The following TET3 variants were observed in gnomAD, a reference collection of about 807,000 sequenced individuals.
TET3 encodes tet methylcytosine dioxygenase 3, also known as methylcytosine dioxygenase TET3.
TET3 carries 19 observed loss-of-function variants against 141.4 expected under a neutral mutation model. The ratio of observed to expected loss-of-function variants is 0.13; its 90% CI spans 0.09 to 0.20. TET3 has a LOEUF of 0.20. TET3 is among the 10% of genes least tolerant of loss of function. TET3 has a pLI of 1.00. For missense variants in TET3, 1,874 were observed against 2,356.9 expected (o/e 0.80, Z 4.24); for synonymous variants, 1,043 against 980.9 (o/e 1.06, Z -1.18).
intron 3 of TET3, among the ~76,000 whole-genome samples, chr2:74,009,018 G>T (rs1685291785): frequency 1.3e-5 from 2 of 152,190 alleles, no homozygotes; most frequent in African/African-American, 2.4e-5. Flanking sequence ...CTGACACTGA[G>T]CTCCTGAGCT....
In TET3 at chr2:74,088,047, C is replaced by T. The variant is rs1690257401; in HGVS notation, c.2888+9C>T. 1.9e-6 allele frequency: 3 copies of T among 1,553,732 alleles called. No homozygotes were observed. The highest frequency in any genetic ancestry group is 1.9e-5 in the Admixed American group (1 of 51,294). ...TGCGGCCTCAACGATGAGTATGTAGCAGAGGGCTTCAGGGCCAGGGCCCAC... is the reference window on the plus strand; with the variant it reads ...TGCGGCCTCAACGATGAGTATGTAGTAGAGGGCTTCAGGGCCAGGGCCCAC... On this transcript the variant is annotated intron_variant, in intron 7 of 11. Coordinates refer to ENST00000409262, the MANE Select transcript of TET3 (RefSeq NM_001287491.2).
At chr2:74,069,355 GTAT>G (rs1281855063) in intron 4 of TET3, among the ~76,000 whole-genome samples, 2 of 148,594 alleles carry the variant, frequency 1.3e-5, no homozygotes, top group Admixed American at 6.8e-5. Flanking sequence ...CAACAGTCAG[GTAT>G]TATTCTATCT....
chr2:74,123,517 G>T, the TET3 span, among the ~76,000 whole-genome samples: 1 of 152,222 alleles, frequency 6.6e-6, no homozygotes, highest in African/African-American at 2.4e-5. Flanking sequence ...GCCAGCCAGG[G>T]CAGGGGCGTG....
chr2:74,062,346 T>G (rs143255963), intron 4 of TET3, among the ~76,000 whole-genome samples: 1 of 152,370 alleles, frequency 6.6e-6, no homozygotes, highest in Non-Finnish European at 1.5e-5. Context: ...GAAGTTGTAG[T>G]ATGGAGAGGC....
intron 4 of TET3, among the ~76,000 whole-genome samples, chr2:74,061,937 C>T (rs1688615635): frequency 6.8e-6 from 1 of 147,766 alleles, no homozygotes; most frequent in South Asian, 2.2e-4. Flanking sequence ...ACTTTCCAGA[C>T]TGGGCAGCCA....
chr2:74,044,932 A>G (rs1398286555), intron 3 of TET3, among the ~76,000 whole-genome samples: 2 of 152,234 alleles, frequency 1.3e-5, no homozygotes, highest in South Asian at 2.1e-4. Flanking sequence ...TGTCCCAAGT[A>G]AAAATAGTGT....
At chr2:74,071,916 G>T (rs1293853030) in intron 4 of TET3, among the ~76,000 whole-genome samples, 2 of 152,130 alleles carry the variant, frequency 1.3e-5, no homozygotes, top group African/African-American at 4.8e-5. Context: ...TGAATGGTTG[G>T]TTCCTTTTTA....
chr2:74,101,645 G>A lies in TET3; in HGVS notation c.4857G>A (p.Lys1619=). ...GGCCGGCTGAGGAGCCCCCCAGCAA[G>A]GGAGCGGTGAAGGAGGAGAAGGGCG... ...EEGPAEEPPS[K]GAVKEEKGGG... Residue 1619 remains lysine (K), a synonymous_variant, in exon 12 of 12, where the codon AAG becomes AAA. Coordinates refer to ENST00000409262, the MANE Select transcript of TET3 (RefSeq NM_001287491.2). This position sits in a 1 kb window ranked among gnomAD's most constrained non-coding sequence, Gnocchi z 8.5. 1 of 1,613,710 alleles carries A rather than the reference G, an allele frequency of 6.2e-7. No homozygotes were observed. Among genetic ancestry groups the A allele is most frequent in the Non-Finnish European group, 8.5e-7 (1 of 1,179,832 alleles).
At chr2:74,076,632 C>G (rs1168648698) in intron 5 of TET3, among the ~76,000 whole-genome samples, 1 of 147,166 alleles carries the variant, frequency 6.8e-6, no homozygotes, top group African/African-American at 2.5e-5. Context: ...GCCCTTTACT[C>G]TGATTTCATC....
At chr2:74,060,252 T>G (rs1302586362) in intron 4 of TET3, among the ~76,000 whole-genome samples, 1 of 152,202 alleles carries the variant, frequency 6.6e-6, no homozygotes, top group Non-Finnish European at 1.5e-5. Flanking sequence ...GGGTGAGCAG[T>G]TTTTCATATG....
rs546375560 is a variant in TET3 at position 74,047,812 on chromosome 2, T to C, written c.1895T>C (p.Leu632Pro). The C allele has an allele frequency of 6.2e-7, 1 of 1,613,434 alleles. No homozygotes were observed. The highest frequency in any genetic ancestry group is 1.1e-5 in the South Asian group (1 of 90,988). ...PPVRQIVLEG[L>P]RSPASQEVQA... Reference sequence around the variant, plus strand: ...GTCCGACAGATTGTCCTGGAAGGGCTTAGGTCCCCAGCCTCCCAGGAAGTG... The same window carrying C: ...GTCCGACAGATTGTCCTGGAAGGGCCTAGGTCCCCAGCCTCCCAGGAAGTG... The change falls in exon 4 of 12, where the codon CTT becomes CCT. Residue 632 changes from leucine (L) to proline (P), a missense_variant. This residue lies in a region of TET3 where 484 missense variants were observed against 462.2 expected (regional missense o/e 1.05). Coordinates refer to ENST00000409262, the MANE Select transcript of TET3 (RefSeq NM_001287491.2).
intron 5 of TET3, among the ~76,000 whole-genome samples, chr2:74,078,426 CT>C (rs749079386): frequency 5.5e-4 from 84 of 152,288 alleles, no homozygotes; most frequent in Middle Eastern, 3.4e-3. Flanking sequence ...CTGTAGCTTG[CT>C]TTTTCCCCCC....
the TET3 span, among the ~76,000 whole-genome samples, chr2:74,129,319 A>C: frequency 3.2e-5 from 1 of 30,954 alleles, no homozygotes; most frequent in Non-Finnish European, 4.7e-5. Context: ...TCCGTCTCAA[A>C]AAAAAAAAAA....
rs200020570 is a variant in TET3 at position 74,094,439 on chromosome 2, C to T, written c.3267+773C>T. On this transcript the variant is annotated intron_variant, in intron 10 of 11. Transcript: ENST00000409262. ...AGCCTTGAGGGCCAGGGGAGGGTTG[C>T]GGGGTTTGCTCTAAGTGTGATGGGA... Among the ~76,000 whole-genome samples the T allele has an allele frequency of 2.6e-5, 4 of 152,170 alleles. No individual in the cohort carries two copies. The East Asian group carries it at 5.8e-4, about 22-fold the overall frequency.
chr2:74,110,293 A>G (rs1691670380), downstream of TET3, among the ~76,000 whole-genome samples: 1 of 151,876 alleles, frequency 6.6e-6, no homozygotes, highest in South Asian at 2.1e-4. Context: ...CTCCCTGCCT[A>G]TTTTGAATCT....
chr2:74,061,606 C>G lies in TET3; in HGVS notation c.2495-11943C>G, dbSNP rs577922771. Among the ~76,000 whole-genome samples, 13 of 148,022 alleles carry G rather than the reference C, an allele frequency of 8.8e-5. No individual in the cohort carries two copies. In the East Asian group the frequency reaches 1.8e-3, roughly 21 times the overall value. On this transcript the variant is annotated intron_variant, in intron 4 of 11. Transcript: ENST00000409262. ...GGCCGGGCGGGGGGCTGACCCCCCC[C>G]ACCTCCCTCCCAGACGGGGTGGCTG...
At position 74,074,496 on chromosome 2, in the gene TET3, G is replaced by A. The variant is rs546645737; in HGVS notation, c.2585+857G>A. Among the ~76,000 whole-genome samples the A allele has an allele frequency of 4.3e-4, 65 of 152,276 alleles. No homozygotes were observed. The South Asian group carries it at 9.9e-3, about 23-fold the overall frequency. Reference sequence around the variant, plus strand: ...TGGTTTTTGAGCAGTTCATGCAGATGGAGACTTGGAAACCCATGTGCGTGT... The same window carrying A: ...TGGTTTTTGAGCAGTTCATGCAGATAGAGACTTGGAAACCCATGTGCGTGT... On this transcript the variant is annotated intron_variant, in intron 5 of 11. Transcript: ENST00000409262.
At chr2:74,073,933 A>G (rs1689352712) in intron 5 of TET3, 1 of 230,944 alleles carries the variant, frequency 4.3e-6, no homozygotes, top group Non-Finnish European at 8.4e-6. Context: ...AATTTTGCTG[A>G]TAGCTTTCCC....
rs1048835352 is a variant in TET3 at position 73,990,651 on chromosome 2, A to G, written c.303+3945A>G. Reference sequence around the variant, plus strand: ...AGAATATTATGGGTGAAAATGAGAGAAATGGAAAGATATATGTGATGAGAA... The same window carrying G: ...AGAATATTATGGGTGAAAATGAGAGGAATGGAAAGATATATGTGATGAGAA... On this transcript the variant is annotated intron_variant, in intron 2 of 11. Transcript: ENST00000409262. Among the ~76,000 whole-genome samples, 10 of 152,192 alleles carry G rather than the reference A, an allele frequency of 6.6e-5. No homozygotes were observed. The East Asian group carries it at 1.7e-3, about 26-fold the overall frequency.
Sources: gnomAD v4.1 joint callset for allele counts (sites outside exome capture counted in the v4.1 genomes callset) on GRCh38, gnomAD v4.1.1 for gene constraint, gnomAD v4.1.1 regional missense constraint, Gnocchi (gnomAD v3.1) non-coding constraint, MANE v1.5 for transcripts, NCBI Gene and HGNC (gene_info 2026-07-23, HGNC 2026-07-21) for gene names.